PDE1C: variants seen among roughly 807,000 people sequenced by gnomAD.
PDE1C encodes dual specificity calcium/calmodulin-dependent 3',5'-cyclic nucleotide phosphodiesterase 1C.
A neutral mutation model predicts 93.1 loss-of-function variants in PDE1C; 62 were observed. The observed-to-expected ratio is 0.67, with a 90% confidence interval of 0.54 to 0.82. The LOEUF is 0.82. Among genes scored for constraint, PDE1C ranks in the 40% least tolerant of loss-of-function variants. The pLI is 0.00. For synonymous variants in PDE1C, 325 were observed against 310.1 expected (o/e 1.05, Z -0.50); for missense variants, 742 against 884.6 (o/e 0.84, Z 2.04).
intron 2 of PDE1C, among the ~76,000 whole-genome samples, chr7:31,965,364 G>A (rs1178543593): frequency 6.6e-6 from 1 of 152,178 alleles, no homozygotes; most frequent in African/African-American, 2.4e-5. Context: ...ATCAGTGATG[G>A]AAGACGAAAT....
chr7:31,760,791 CACA>C (rs1253697688), intron 17 of PDE1C, among the ~76,000 whole-genome samples: 2 of 151,480 alleles, frequency 1.3e-5, no homozygotes, highest in East Asian at 1.9e-4. Flanking sequence ...CACACACACA[CACA>C]CCAAACCACA....
chr7:31,909,544 C>A (rs1329168431), intron 2 of PDE1C, among the ~76,000 whole-genome samples: 1 of 151,974 alleles, frequency 6.6e-6, no homozygotes, highest in East Asian at 1.9e-4. Flanking sequence ...AGATGTCATG[C>A]CAGAGATTAT....
chr7:31,789,058 C>T (rs1246005205), intron 16 of PDE1C: 1 of 152,174 alleles, frequency 6.6e-6, no homozygotes, highest in East Asian at 1.9e-4. Flanking sequence ...TATTACTAAT[C>T]CCCACTTCAT....
At chr7:31,669,634 A>C in the PDE1C span, among the ~76,000 whole-genome samples, 1 of 152,190 alleles carries the variant, frequency 6.6e-6, no homozygotes, top group African/African-American at 2.4e-5. Context: ...CAGGAACAAT[A>C]AGGCAGAAAA....
At chr7:32,080,494 AG>A (rs1357361362) in intron 3 of PDE1C, among the ~76,000 whole-genome samples, 1 of 152,236 alleles carries the variant, frequency 6.6e-6, no homozygotes, top group East Asian at 1.9e-4. Context: ...GGAGCTACTC[AG>A]GGAAACGCAA....
intron 2 of PDE1C, among the ~76,000 whole-genome samples, chr7:31,925,834 T>G (rs944797679): frequency 6.6e-6 from 1 of 152,336 alleles, no homozygotes; most frequent in South Asian, 2.1e-4. Flanking sequence ...ACTATGAATT[T>G]TCCAATAAAA....
chr7:31,990,811 G>A (rs1784062812), intron 2 of PDE1C, among the ~76,000 whole-genome samples: 1 of 152,088 alleles, frequency 6.6e-6, no homozygotes, highest in Admixed American at 6.6e-5. Context: ...ACATAGAGCA[G>A]CAAGATACAG....
At chr7:31,910,949 T>C (rs1272044702) in intron 2 of PDE1C, among the ~76,000 whole-genome samples, 1 of 152,204 alleles carries the variant, frequency 6.6e-6, no homozygotes, top group Non-Finnish European at 1.5e-5. Flanking sequence ...TGGATTTGAA[T>C]TTTTAGGTTC....
intron 16 of PDE1C, among the ~76,000 whole-genome samples, chr7:31,793,062 C>T (rs182605657): frequency 3.9e-5 from 6 of 152,128 alleles, no homozygotes; most frequent in African/African-American, 1.4e-4. Context: ...TCTATAGGAG[C>T]ATACAATCAT....
At chr7:31,808,127 G>A (rs535212782) in intron 16 of PDE1C, 14 of 431,560 alleles carry the variant, frequency 3.2e-5, no homozygotes, top group African/African-American at 1.3e-4. Flanking sequence ...AAAGAATTAC[G>A]TTCCAATTTA....
At chr7:32,237,159 T>G (rs1010637423) in intron 1 of PDE1C, among the ~76,000 whole-genome samples, 2 of 148,866 alleles carry the variant, frequency 1.3e-5, no homozygotes, top group Non-Finnish European at 3.0e-5. Context: ...CGATCTCGGC[T>G]CACTGCAAGT....
At chr7:32,101,045 A>G (rs1281361684) in intron 3 of PDE1C, among the ~76,000 whole-genome samples, 1 of 152,176 alleles carries the variant, frequency 6.6e-6, no homozygotes, top group Non-Finnish European at 1.5e-5. Flanking sequence ...GGACCACCAT[A>G]CTGGAAATTA....
chr7:32,092,114 G>C (rs753478398), intron 3 of PDE1C, among the ~76,000 whole-genome samples: 3 of 152,164 alleles, frequency 2.0e-5, no homozygotes, highest in Admixed American at 6.5e-5. Flanking sequence ...GCCAATCTGA[G>C]AGAAACAATA....
chr7:32,319,079 T>A (rs1366212137), intron 1 of PDE1C, among the ~76,000 whole-genome samples: 10 of 152,150 alleles, frequency 6.6e-5, no homozygotes, highest in Non-Finnish European at 1.3e-4. Flanking sequence ...TGTCCCTCGT[T>A]CTCCCGCGCC....
intron 1 of PDE1C, among the ~76,000 whole-genome samples, chr7:32,334,668 G>T (rs923140163): frequency 7.5e-6 from 1 of 132,780 alleles, no homozygotes; most frequent in South Asian, 2.4e-4. Context: ...TATTTGCAAA[G>T]AATATTTGAT....
In PDE1C at chr7:31,805,443, C is replaced by T. The variant is rs540341873; in HGVS notation, c.1891+3588G>A. ...CTATTGTACTCTTATATTCTTCAGACCTCTAGAGTTTATCTCTCTGTAATC... is the reference window on the plus strand; with the variant it reads ...CTATTGTACTCTTATATTCTTCAGATCTCTAGAGTTTATCTCTCTGTAATC... On this transcript the variant is annotated intron_variant, in intron 16 of 17. Transcript: ENST00000396191. Among the ~76,000 whole-genome samples the T allele has an allele frequency of 3.3e-5, 5 of 151,652 alleles. No individual in the cohort carries two copies. The East Asian group carries it at 9.8e-4, about 30-fold the overall frequency.
intron 3 of PDE1C, among the ~76,000 whole-genome samples, chr7:32,112,828 GTGTGTGTGTGTGTGTGTGTATATA>G (rs1370782183): frequency 1.1e-3 from 92 of 85,440 alleles, no homozygotes; most frequent in Non-Finnish European, 1.7e-3. Context: ...GTGTGTGTGT[GTGTGTGTGTGTGTGTGTGTATATA>G]TATATATATA....
chr7:31,728,706 A>G, the PDE1C span, among the ~76,000 whole-genome samples: 5 of 152,146 alleles, frequency 3.3e-5, no homozygotes, highest in African/African-American at 1.2e-4. Context: ...TTGACAGCCT[A>G]CTCTGCCTAG....
At chr7:32,331,248 AG>A (rs1463640406) in intron 1 of PDE1C, among the ~76,000 whole-genome samples, 2 of 152,190 alleles carry the variant, frequency 1.3e-5, no homozygotes, top group Non-Finnish European at 2.9e-5. Context: ...ACCACTTGAA[AG>A]AGGCACTGAG....
Sources: allele counts gnomAD v4.1 joint callset (sites outside exome capture counted in the v4.1 genomes callset), GRCh38; gene constraint gnomAD v4.1.1; transcripts MANE v1.5; gene names NCBI Gene and HGNC (gene_info 2026-07-23, HGNC 2026-07-21).